Variants in ERBIN observed in about 807,000 individuals in gnomAD.
ERBIN encodes the protein densin-180-like protein.
Under a neutral mutation model 158.4 loss-of-function variants are expected in ERBIN, and 60 were observed. That is an observed-to-expected ratio of 0.38 (90% confidence interval 0.31 to 0.47). The LOEUF is 0.47. Among genes scored for constraint, ERBIN ranks in the 20% least tolerant of loss-of-function variants. The pLI, the probability that ERBIN is intolerant of heterozygous loss-of-function variation, is 0.99. For missense variants in ERBIN, 1,610 were observed against 1,648.0 expected (o/e 0.98, Z 0.40); for synonymous variants, 594 against 557.2 (o/e 1.07, Z -0.93).
chr5:65,942,104 T>C (rs1412498897), intron 1 of ERBIN, among the ~76,000 whole-genome samples: 3 of 152,250 alleles, frequency 2.0e-5, no homozygotes, highest in Non-Finnish European at 2.9e-5. Context: ...CCCAGAATAC[T>C]GATGTTTTCC....
At chr5:66,023,920 G>T (rs185570956) in intron 9 of ERBIN, among the ~76,000 whole-genome samples, 5 of 151,824 alleles carry the variant, frequency 3.3e-5, no homozygotes, top group African/African-American at 9.7e-5. Flanking sequence ...CTCATTATCC[G>T]CCTGCCTCGG....
At chr5:65,958,182 G>A (rs1747464822) in intron 1 of ERBIN, among the ~76,000 whole-genome samples, 1 of 152,080 alleles carries the variant, frequency 6.6e-6, no homozygotes, top group South Asian at 2.1e-4. Flanking sequence ...ACGATGGGCG[G>A]CCAGGCAGAG....
rs1762414100 is a variant in ERBIN at position 66,082,151 on chromosome 5, ACAGTCCTAATAT to A, written c.*3623_*3634del. On this transcript the variant is annotated 3_prime_UTR_variant, in exon 26 of 26. Coordinates refer to ENST00000284037, the MANE Select transcript of ERBIN (RefSeq NM_001253697.2). Reference sequence around the variant, plus strand: ...TAGAATCTGTGGTCAGCTATAACGTACAGTCCTAATATCCAACCACCTGAGAAGCTCATCCTA... The same window carrying A: ...TAGAATCTGTGGTCAGCTATAACGTACCAACCACCTGAGAAGCTCATCCTA... 6.6e-6 allele frequency: 1 copy of A among 152,198 alleles called. No individual in the cohort carries two copies. The highest frequency in any genetic ancestry group is 2.1e-4 in the South Asian group (1 of 4,836). The allele number at this position is 152,198 out of a possible 1,614,324, so 9.4% of individuals were successfully genotyped here.
At chr5:66,044,034 G>A in intron 16 of ERBIN, 103 bp from the exon 17 acceptor site, 1 of 769,394 alleles carries the variant, frequency 1.3e-6, no homozygotes, top group Non-Finnish European at 1.9e-6. Flanking sequence ...ATCCCTATGA[G>A]CTTGATATCT....
chr5:66,026,614 C>T (rs1181998005), intron 13 of ERBIN, among the ~76,000 whole-genome samples, 197 bp downstream of exon 13: 1 of 151,898 alleles, frequency 6.6e-6, no homozygotes, highest in Non-Finnish European at 1.5e-5. Context: ...TTCTTTCGTT[C>T]ATCAGTGTTA....
intron 1 of ERBIN, among the ~76,000 whole-genome samples, chr5:65,973,629 T>C (rs916677507): frequency 2.6e-5 from 4 of 151,150 alleles, no homozygotes; most frequent in Non-Finnish European, 1.5e-5. Flanking sequence ...AAAAACATTT[T>C]ATTTATAGTC....
chr5:65,976,670 G>A lies in ERBIN; in HGVS notation c.-57-11965G>A, dbSNP rs981820338. 7.3e-5 allele frequency among the ~76,000 whole-genome samples: 11 copies of A among 151,550 alleles called. No individual in the cohort carries two copies. In the South Asian group the frequency reaches 1.3e-3, roughly 17 times the overall value. ...TAGGCAGAGGACCCTGCGGCCTTCC[G>A]CAGTGTTTGTGTCCCTGGGTACTTG... is the stretch of plus-strand genomic sequence containing the variant. On this transcript the variant is annotated intron_variant, in intron 1 of 25. Coordinates refer to ENST00000284037, the MANE Select transcript of ERBIN (RefSeq NM_001253697.2).
At chr5:65,944,322 C>T in intron 1 of ERBIN, among the ~76,000 whole-genome samples, 1 of 151,510 alleles carries the variant, frequency 6.6e-6, no homozygotes. Flanking sequence ...CTCACCAACA[C>T]TTGCTATTTT....
chr5:66,028,480 C>A, intron 14 of ERBIN, 137 bp downstream of exon 14: 1 of 481,002 alleles, frequency 2.1e-6, no homozygotes, highest in Non-Finnish European at 3.6e-6. Context: ...TAAGAAAAAT[C>A]TCAAAATATT....
intron 5 of ERBIN, 141 bp from the exon 6 acceptor site, chr5:66,013,408 G>A (rs951956071): frequency 1.5e-6 from 1 of 657,948 alleles, no homozygotes; most frequent in Admixed American, 2.8e-5. Context: ...AATCTTTGAA[G>A]GGGCTCTCAT....
intron 4 of ERBIN, among the ~76,000 whole-genome samples, chr5:66,005,500 C>T (rs574801651): frequency 2.6e-5 from 4 of 152,128 alleles, no homozygotes; most frequent in East Asian, 3.9e-4. Flanking sequence ...TAGATGCATT[C>T]GCCAAGGGCA....
chr5:66,068,986 C>G, intron 21 of ERBIN: 1 of 1,535,044 alleles, frequency 6.5e-7, no homozygotes. Flanking sequence ...TTGAGTGTTG[C>G]AGACAGAAGA....
Position 66,007,783 on chromosome 5 carries a change from T to C in ERBIN, c.308-4266T>C, listed in dbSNP as rs943675375. Among the ~76,000 whole-genome samples, 7 of 152,206 alleles carry C rather than the reference T, an allele frequency of 4.6e-5. No homozygotes were observed. In the South Asian group the frequency reaches 1.0e-3, roughly 22 times the overall value. ...CACATTTGCTGAATAACTTTGAAGA[T>C]AGGTAATTTCAGCTTGGGATAGGTT... is the stretch of plus-strand genomic sequence containing the variant. On this transcript the variant is annotated intron_variant, in intron 4 of 25. Coordinates refer to ENST00000284037, the MANE Select transcript of ERBIN (RefSeq NM_001253697.2).
At chr5:66,061,064 C>G (rs1445289518) in intron 21 of ERBIN, among the ~76,000 whole-genome samples, 1 of 152,104 alleles carries the variant, frequency 6.6e-6, no homozygotes, top group East Asian at 1.9e-4. Context: ...GTTAGGTCTG[C>G]TTGGTGCAGA....
At chr5:65,964,607 A>G (rs1339291516) in intron 1 of ERBIN, among the ~76,000 whole-genome samples, 1 of 152,218 alleles carries the variant, frequency 6.6e-6, no homozygotes, top group Non-Finnish European at 1.5e-5. Context: ...GTATAATGAC[A>G]GCAATAATAA....
At chr5:66,066,530 A>AAT (rs5868436) in intron 21 of ERBIN, among the ~76,000 whole-genome samples, 4,236 of 148,810 alleles carry the variant, frequency 0.028, 205 homozygotes, top group African/African-American at 0.11. Flanking sequence ...AATAAAAAAA[A>AAT]AAAAACAAAA....
rs190892201 is a variant in ERBIN, at chr5:66,063,699, A to G, written c.3634-8470A>G. On this transcript the variant is annotated intron_variant, in intron 21 of 25. Transcript: ENST00000284037. ...CTTGGCTCCTCCCAATTTCTCGATTAAGACATTTTTAAAAAGTGAAGATAG... is the reference window on the plus strand; with the variant it reads ...CTTGGCTCCTCCCAATTTCTCGATTGAGACATTTTTAAAAAGTGAAGATAG... Among the ~76,000 whole-genome samples the G allele has an allele frequency of 2.1e-3, 324 of 152,250 alleles. 2 individuals are homozygous for G. Among genetic ancestry groups the G allele is most frequent in the African/African-American group, 7.7e-3 (318 of 41,550 alleles).
Position 66,077,759 on chromosome 5 carries a change from T to TACACACACAC in ERBIN, c.4132-638_4132-629dup, listed in dbSNP as rs70987111. ...TTCTCTTTTTCTCCCTCCCTCCCTC[T>TACACACACAC]ACACACACACACACACACACACACA... is the stretch of plus-strand genomic sequence containing the variant. On this transcript the variant is annotated intron_variant, in intron 25 of 25. Coordinates refer to ENST00000284037, the MANE Select transcript of ERBIN (RefSeq NM_001253697.2). Among the ~76,000 whole-genome samples the TACACACACAC allele has an allele frequency of 2.0e-3, 276 of 139,376 alleles. 3 individuals are homozygous for TACACACACAC. Among genetic ancestry groups the TACACACACAC allele is most frequent in the Middle Eastern group, 7.1e-3 (2 of 282 alleles). 91.4% of individuals were successfully genotyped at this position (139,376 alleles called of 152,430 possible).
intron 13 of ERBIN, among the ~76,000 whole-genome samples, chr5:66,027,341 A>C (rs1580394394): frequency 6.6e-6 from 1 of 152,016 alleles, no homozygotes; most frequent in African/African-American, 2.4e-5. Context: ...TACGGCCCAC[A>C]GTGGGTTGCT....
Sources: allele counts gnomAD v4.1 joint callset (sites outside exome capture counted in the v4.1 genomes callset), GRCh38; gene constraint gnomAD v4.1.1; transcripts MANE v1.5; gene names NCBI Gene and HGNC (gene_info 2026-07-23, HGNC 2026-07-21).